The following GNB5 variants were observed in gnomAD, a reference collection of about 807,000 sequenced individuals.
GNB5 encodes the protein G protein subunit beta 5.
GNB5 carries 37 observed loss-of-function variants against 55.3 expected under a neutral mutation model. That is an observed-to-expected ratio of 0.67 (90% CI 0.51 to 0.88). The LOEUF (loss-of-function observed/expected upper bound fraction) is 0.88, where lower values mean the gene tolerates loss of function less well. Among genes scored for constraint, GNB5 ranks in the 40% least tolerant of loss-of-function variants. GNB5 has a pLI of 0.00. For missense variants in GNB5, 476 were observed against 515.3 expected, an observed-to-expected ratio of 0.92 and a Z score of 0.74; for synonymous variants, 219 against 198.5, an observed-to-expected ratio of 1.10 and a Z score of -0.87.
At chr15:52,153,599 T>C (rs2034145457) in intron 4 of GNB5, among the ~76,000 whole-genome samples, 1 of 152,300 alleles carries the variant, frequency 6.6e-6, no homozygotes, top group Non-Finnish European at 1.5e-5. Flanking sequence ...GCTCCTTAAA[T>C]TGAAAGAAAG....
rs766157345 is a variant in GNB5, at chr15:52,122,707, G to A, written c.*50C>T. On this transcript the variant is annotated 3_prime_UTR_variant, in exon 13 of 13. Transcript: ENST00000261837. ...CTCTAGAAGTAATATCTATTTACAT[G>A]TGAAGATTTCAAATTCTCAGGTATA... 3 of 1,430,378 alleles carry A rather than the reference G, an allele frequency of 2.1e-6. No individual in the cohort carries two copies. The East Asian group carries it at 6.8e-5, about 32-fold the overall frequency. The allele number at this position is 1,430,378 out of a possible 1,614,324, so 88.6% of individuals were successfully genotyped here.
chr15:52,169,538 C>CAAAAAA (rs60470864), intron 3 of GNB5, among the ~76,000 whole-genome samples: 163 of 71,456 alleles, frequency 2.3e-3, no homozygotes, highest in Middle Eastern at 0.014. Flanking sequence ...GACTCTGTCT[C>CAAAAAA]AAAAAAAAAA....
At chr15:52,174,682 A>C (rs986870724) in intron 3 of GNB5, among the ~76,000 whole-genome samples, 5 of 80,510 alleles carry the variant, frequency 6.2e-5, no homozygotes, top group African/African-American at 2.6e-4. Flanking sequence ...GCCTTAAGCT[A>C]CCTTAAGGCA....
intron 3 of GNB5, among the ~76,000 whole-genome samples, chr15:52,170,004 C>T (rs1047011423): frequency 2.2e-4 from 33 of 152,288 alleles, no homozygotes; most frequent in Middle Eastern, 3.4e-3. Flanking sequence ...ATCAAAACCA[C>T]AATGAGATAC....
At chr15:52,148,815 C>T (rs555741194) in intron 5 of GNB5, among the ~76,000 whole-genome samples, 11 of 152,324 alleles carry the variant, frequency 7.2e-5, no homozygotes, top group East Asian at 5.8e-4. Context: ...CTCCAGAGAA[C>T]GAGCTGAGGT....
chr15:52,151,411 G>C (rs1457417867), intron 4 of GNB5, among the ~76,000 whole-genome samples: 1 of 152,148 alleles, frequency 6.6e-6, no homozygotes. Flanking sequence ...TGGTCTCCTC[G>C]GTGAGCACAG....
At position 52,154,307 on chromosome 15, in the gene GNB5, C is replaced by A. The variant is rs1339394035; in HGVS notation, c.239-231G>T. On this transcript the variant is annotated intron_variant, in intron 3 of 12. Coordinates refer to ENST00000261837, the MANE Select transcript of GNB5 (RefSeq NM_016194.4). ...TGCCATTCTCTCTTTGTGTTTAAGACCCTACATTTTTCAAAGCAGTTTTAT... is the reference window on the plus strand; with the variant it reads ...TGCCATTCTCTCTTTGTGTTTAAGAACCTACATTTTTCAAAGCAGTTTTAT... 2.6e-5 allele frequency among the ~76,000 whole-genome samples: 4 copies of A among 152,178 alleles called. No homozygotes were observed. The East Asian group carries it at 7.7e-4, about 29-fold the overall frequency.
Position 52,163,780 on chromosome 15 carries a change from G to A in GNB5, c.239-9704C>T, listed in dbSNP as rs2034392297. On this transcript the variant is annotated intron_variant, in intron 3 of 12. Transcript: ENST00000261837. ...CTGATCCCATTCCTCTTGACTGGGT[G>A]AGACCTCCCAACAGGGGTCTACAAA... Among the ~76,000 whole-genome samples, 3 of 152,340 alleles carry A rather than the reference G, an allele frequency of 2.0e-5. No homozygotes were observed. The South Asian group carries it at 6.2e-4, about 32-fold the overall frequency.
rs377614234 is a variant in GNB5, at chr15:52,143,154, C to T, written c.495-1882G>A. Among the ~76,000 whole-genome samples, 42 of 144,538 alleles carry T rather than the reference C, an allele frequency of 2.9e-4. 2 individuals are homozygous for T. Among genetic ancestry groups the T allele is most frequent in the African/African-American group, 9.8e-4 (39 of 39,652 alleles). The allele number at this position is 144,538 out of a possible 152,430, so 94.8% of individuals were successfully genotyped here. A position where few individuals can be genotyped will look rare whatever the true frequency, so the allele number is the denominator to read the frequency against. The stretch of plus-strand genomic sequence containing the variant: ...TGGGCAACAGAGTGAGATTCTTTGA[C>T]TAAAAAAAAGAGAAAAAAAAAAAAC... On this transcript the variant is annotated intron_variant, in intron 6 of 12. Transcript: ENST00000261837.
chr15:52,160,450 G>A lies in GNB5; in HGVS notation c.239-6374C>T, dbSNP rs571741349. ...TAGAAGACTGGAAACAACATGACCC[G>A]GAGAGCAACGGGGCTTTTGAAATGG... On this transcript the variant is annotated intron_variant, in intron 3 of 12. Transcript: ENST00000261837. Among the ~76,000 whole-genome samples the A allele has an allele frequency of 4.6e-5, 7 of 152,266 alleles. No individual in the cohort carries two copies. The South Asian group carries it at 6.2e-4, about 14-fold the overall frequency.
intron 4 of GNB5, among the ~76,000 whole-genome samples, chr15:52,152,637 T>C (rs1056969982): frequency 1.7e-4 from 24 of 144,458 alleles, no homozygotes; most frequent in African/African-American, 5.6e-4. Context: ...ATATCTCTCT[T>C]TTTTTTTTTT....
intron 9 of GNB5, among the ~76,000 whole-genome samples, chr15:52,130,500 A>T (rs1371823207): frequency 6.6e-6 from 1 of 152,270 alleles, no homozygotes; most frequent in African/African-American, 2.4e-5. Context: ...AGTGTTCCCT[A>T]TCAATCAAGA....
At chr15:52,153,571 T>A (rs569027322) in intron 4 of GNB5, among the ~76,000 whole-genome samples, 1 of 152,368 alleles carries the variant, frequency 6.6e-6, no homozygotes, top group South Asian at 2.1e-4. Flanking sequence ...TTGTTCTTTA[T>A]GACATAAGAA....
intron 9 of GNB5, among the ~76,000 whole-genome samples, chr15:52,131,375 C>A (rs2033569861): frequency 6.6e-6 from 1 of 152,096 alleles, no homozygotes; most frequent in South Asian, 2.1e-4. Flanking sequence ...TGTGCATAGG[C>A]TATATGCAAA....
At chr15:52,172,654 A>C (rs1015190060) in intron 3 of GNB5, among the ~76,000 whole-genome samples, 7 of 151,984 alleles carry the variant, frequency 4.6e-5, no homozygotes, top group Non-Finnish European at 8.8e-5. Flanking sequence ...GGTGGCACAC[A>C]CCTGTAGTCC....
chr15:52,190,117 AT>A (rs68061912), intron 1 of GNB5, among the ~76,000 whole-genome samples: 99,000 of 143,848 alleles, frequency 0.69, 35,428 homozygotes, highest in Non-Finnish European at 0.8. Context: ...ATCTCAATAA[AT>A]TTTTTTTTTT....
At chr15:52,150,970 G>A (rs1191042262) in intron 4 of GNB5, among the ~76,000 whole-genome samples, 1 of 152,232 alleles carries the variant, frequency 6.6e-6, no homozygotes, top group African/African-American at 2.4e-5. Flanking sequence ...TCACTTAAGG[G>A]CAGAAGCAAG....
chr15:52,147,800 C>G (rs1416505870), intron 5 of GNB5, among the ~76,000 whole-genome samples: 2 of 152,146 alleles, frequency 1.3e-5, no homozygotes, highest in Non-Finnish European at 2.9e-5. Context: ...CCAGGCTGGT[C>G]TCGAACTCCT....
intron 3 of GNB5, among the ~76,000 whole-genome samples, chr15:52,172,597 T>A (rs904192139): frequency 7.2e-5 from 11 of 151,970 alleles, no homozygotes; most frequent in Admixed American, 6.6e-5. Context: ...CTGGGCGACA[T>A]GGAGAAACCT....
Sources: allele counts gnomAD v4.1 joint callset (sites outside exome capture counted in the v4.1 genomes callset), GRCh38; gene constraint gnomAD v4.1.1; transcripts MANE v1.5; gene names NCBI Gene and HGNC (gene_info 2026-07-23, HGNC 2026-07-21).